PKD1L3: variants seen among roughly 807,000 people sequenced by gnomAD.
The protein encoded by PKD1L3 is polycystin 1 like 3, transient receptor potential channel interacting.
Under a neutral mutation model 184.1 loss-of-function variants are expected in PKD1L3, and 239 were observed. The ratio of observed to expected loss-of-function variants is 1.30; its 90% CI spans 1.17 to 1.45. The LOEUF is 1.45. Among genes scored for constraint, PKD1L3 ranks in the 40% most tolerant of loss-of-function variants. The probability of loss-of-function intolerance (pLI) is 0.00; values close to 1 mark genes in which losing one functional copy is unlikely to be tolerated. For missense variants in PKD1L3, 2,660 were observed against 2,067.2 expected (o/e 1.29, Z -5.56); for synonymous variants, 996 against 778.8 (o/e 1.28, Z -4.64).
In PKD1L3 at chr16:71,990,293, A is replaced by C; in HGVS notation, c.572T>G (p.Leu191Arg). 1 of 1,548,442 alleles carries C rather than the reference A, an allele frequency of 6.5e-7. No homozygotes were observed. Among genetic ancestry groups the C allele is most frequent in the South Asian group, 1.2e-5 (1 of 83,994 alleles). ...GHLPTTCHYP[L>R]PAHLSKTLCH... is the part of the protein sequence containing the mutation. ...GGAAGCACTTACAAGATGAGCAGGAAGAGGATAGTGACATGTGGTTGGAAG... is the reference window on the plus strand; with the variant it reads ...GGAAGCACTTACAAGATGAGCAGGACGAGGATAGTGACATGTGGTTGGAAG... The change falls in exon 4 of 30, where the codon CTT becomes CGT. Residue 191 changes from leucine (L) to arginine (R), a missense_variant. Transcript: ENST00000620267.
chr16:71,987,249 G>C (rs1406423463), intron 4 of PKD1L3, among the ~76,000 whole-genome samples: 2 of 144,414 alleles, frequency 1.4e-5, no homozygotes, highest in Non-Finnish European at 1.5e-5. Context: ...GAGACTGGTT[G>C]TCACTCTGTC....
chr16:71,929,965 TTA>T lies in PKD1L3; in HGVS notation c.5058+85_5058+86del, dbSNP rs1416074973. 37 of 1,388,474 alleles carry T rather than the reference TTA, an allele frequency of 2.7e-5. No individual in the cohort carries two copies. In the African/African-American group the frequency reaches 4.8e-4, roughly 18 times the overall value. 86.0% of individuals were successfully genotyped at this position (1,388,474 alleles called of 1,614,324 possible). A position where few individuals can be genotyped will look rare whatever the true frequency, so the allele number is the denominator to read the frequency against. The stretch of plus-strand genomic sequence containing the variant: ...GGAATATGATACTGTGCATTATAAA[TTA>T]TGTCAGCCCGTCATCTTAGGGGCAG... On this transcript the variant is annotated intron_variant, in intron 29 of 29. Coordinates refer to ENST00000620267, the MANE Select transcript of PKD1L3 (RefSeq NM_181536.2).
At chr16:71,948,803 T>TACAA (rs2038718020) in intron 21 of PKD1L3, among the ~76,000 whole-genome samples, 5 of 81,210 alleles carry the variant, frequency 6.2e-5, no homozygotes, top group African/African-American at 1.9e-4. Context: ...TTACATATAG[T>TACAA]AAAAAAAAAA....
chr16:71,993,234 T>A lies in PKD1L3; in HGVS notation c.517A>T (p.Arg173Ter). Residue 173 changes from arginine (R) to a stop codon, truncating the protein, a stop_gained, in exon 3 of 30, where the codon AGA becomes TGA. Coordinates refer to ENST00000620267, the MANE Select transcript of PKD1L3 (RefSeq NM_181536.2). LOFTEE classifies it high-confidence loss of function. ...KKTKRGVAIA[R>*]DKMPPGPGHL... Reference sequence around the variant, plus strand: ...GCATTACCTGGGGGCATTTTGTCTCTTGCTATTGCAACTCCTCTTTTTGTC... The same window carrying A: ...GCATTACCTGGGGGCATTTTGTCTCATGCTATTGCAACTCCTCTTTTTGTC... 6.5e-7 allele frequency: 1 copy of A among 1,548,760 alleles called. No homozygotes were observed. The highest frequency in any genetic ancestry group is 8.7e-7 in the Non-Finnish European group (1 of 1,145,492).
chr16:71,977,550 C>T (rs1444816029), intron 10 of PKD1L3, 83 bp from the exon 11 acceptor site: 5 of 595,878 alleles, frequency 8.4e-6, no homozygotes, highest in Admixed American at 4.2e-5. Flanking sequence ...GGTAAGGAAA[C>T]GTCCTAGCTC....
chr16:71,954,212 G>A lies in PKD1L3; in HGVS notation c.2702C>T (p.Thr901Ile). The change falls in exon 17 of 30, where the codon ACA (threonine) becomes ATA (isoleucine). Residue 901 changes from threonine (T) to isoleucine (I), a missense_variant. Coordinates refer to ENST00000620267, the MANE Select transcript of PKD1L3 (RefSeq NM_181536.2). The stretch of plus-strand genomic sequence containing the variant: ...GCAGCAAGACAGCCGTTGGACCCTT[G>A]TAAACTGGTTCCAGGGATGCCGAGT... ...IATRHPWNQF[T>I]RVQRLSCCMT... 3 of 1,551,514 alleles carry A rather than the reference G, an allele frequency of 1.9e-6. No homozygotes were observed. Among genetic ancestry groups the A allele is most frequent in the Non-Finnish European group, 2.6e-6 (3 of 1,146,772 alleles).
rs1332816238 is a variant in PKD1L3, at chr16:71,951,729, C to G, written c.3025G>C (p.Val1009Leu). 6.5e-7 allele frequency: 1 copy of G among 1,549,710 alleles called. No individual in the cohort carries two copies. Among genetic ancestry groups the G allele is most frequent in the Non-Finnish European group, 8.7e-7 (1 of 1,146,362 alleles). The change falls in exon 19 of 30, where the codon GTG (valine) becomes CTG (leucine). Residue 1009 changes from valine to leucine, a missense_variant. Val to Leu is a conservative substitution (Grantham distance 32, BLOSUM62 1). Coordinates refer to ENST00000620267, the MANE Select transcript of PKD1L3 (RefSeq NM_181536.2). ...TMVVEELKET[V>L]RFLLRRNTYL... ...GTATTTCTCCTGAGCAGGAATCTCA[C>G]AGTTTCCTTTAATTCCTGAATGTAG...
intron 24 of PKD1L3, among the ~76,000 whole-genome samples, chr16:71,940,325 G>C (rs534212949): frequency 8.2e-4 from 125 of 152,024 alleles, no homozygotes; most frequent in Admixed American, 1.4e-3. Flanking sequence ...AAGTTTACGT[G>C]CTGCATGGTG....
At chr16:71,996,028 T>A (rs971250763) in intron 2 of PKD1L3, among the ~76,000 whole-genome samples, 4 of 152,164 alleles carry the variant, frequency 2.6e-5, no homozygotes, top group Non-Finnish European at 5.9e-5. Flanking sequence ...ATGTGTATAC[T>A]TACATCAGTG....
chr16:71,977,384 G>T lies in PKD1L3; in HGVS notation c.1611C>A (p.Asn537Lys), dbSNP rs202221918. The change falls in exon 11 of 30, where the codon AAC becomes AAA. Residue 537 changes from asparagine to lysine, a missense_variant. Physicochemically the swap from Asn to Lys is moderately conservative, Grantham distance 94 (BLOSUM62 0). Transcript: ENST00000620267. ...TCAAGGATTTCTCCAAGGAAGTGAC[G>T]TTCACTGTGATTGTAAGCTGATGTG... is the stretch of plus-strand genomic sequence containing the variant. ...MSTHQLTITV[N>K]VTSLEKSLIV... 10 of 1,551,316 alleles carry T rather than the reference G, an allele frequency of 6.4e-6. No individual in the cohort carries two copies. The highest frequency in any genetic ancestry group is 8.7e-6 in the Non-Finnish European group (10 of 1,146,680).
At chr16:71,978,162 C>G in intron 10 of PKD1L3, 93 bp downstream of exon 10, 1 of 1,372,306 alleles carries the variant, frequency 7.3e-7, no homozygotes, top group Non-Finnish European at 9.9e-7. Flanking sequence ...TGCCATCAAT[C>G]TAACATAATT....
Position 71,947,502 on chromosome 16 carries a change from C to A in PKD1L3, c.3708G>T (p.Leu1236Phe), listed in dbSNP as rs1390615355. ...KENEQQTKRI[L>F]ALLAKCSSSV... ...AACTACTTGAGTTACCCAAGAGTGC[C>A]AAGATCCTCTTTGTTTGTTGTTCAT... The change falls in exon 22 of 30, where the codon TTG becomes TTT. Residue 1236 changes from leucine to phenylalanine, a missense_variant. Transcript: ENST00000620267. 6.6e-7 allele frequency: 1 copy of A among 1,526,134 alleles called. No individual in the cohort carries two copies. The highest frequency in any genetic ancestry group is 1.2e-5 in the South Asian group (1 of 83,556). 94.5% of individuals were successfully genotyped at this position (1,526,134 alleles called of 1,614,324 possible). A position where few individuals can be genotyped will look rare whatever the true frequency, so the allele number is the denominator to read the frequency against.
intron 15 of PKD1L3, 56 bp downstream of exon 15, chr16:71,967,081 C>A: frequency 6.8e-7 from 1 of 1,476,498 alleles, no homozygotes; most frequent in Non-Finnish European, 9.1e-7. Flanking sequence ...GATCTTCTTT[C>A]TTCTCTCTTG....
chr16:71,969,561 C>T (rs1337135091), intron 13 of PKD1L3, among the ~76,000 whole-genome samples: 2 of 150,852 alleles, frequency 1.3e-5, no homozygotes, highest in African/African-American at 4.9e-5. Context: ...ATCCTCCTGC[C>T]CTGGCCTCCC....
chr16:71,986,161 T>A (rs1424844919), intron 5 of PKD1L3, 60 bp downstream of exon 5: 1 of 1,530,558 alleles, frequency 6.5e-7, no homozygotes. Context: ...GGCAAATGGG[T>A]GAACCAAGTA....
intron 28 of PKD1L3, among the ~76,000 whole-genome samples, chr16:71,932,867 A>G (rs2038034595): frequency 7.2e-6 from 1 of 138,422 alleles, no homozygotes; most frequent in South Asian, 2.2e-4. Context: ...GCAGCTTCCA[A>G]CTCCTGGGCT....
At chr16:71,983,809 G>T (rs1431606371) in intron 6 of PKD1L3, among the ~76,000 whole-genome samples, 2 of 151,026 alleles carry the variant, frequency 1.3e-5, no homozygotes, top group African/African-American at 2.4e-5. Context: ...GATTACAGGT[G>T]CCCGCCACCG....
rs1356583936 is a variant in PKD1L3 at position 71,965,040 on chromosome 16, A to G, written c.2466-1689T>C. Among the ~76,000 whole-genome samples, 5 of 151,392 alleles carry G rather than the reference A, an allele frequency of 3.3e-5. No homozygotes were observed. In the South Asian group the frequency reaches 1.0e-3, roughly 32 times the overall value. ...TTTTGTATTTTTTTGTAGAGACAGA[A>G]TTTCACCATGTTGCCCAGGCTGGTC... is the stretch of plus-strand genomic sequence containing the variant. On this transcript the variant is annotated intron_variant, in intron 15 of 29. Coordinates refer to ENST00000620267, the MANE Select transcript of PKD1L3 (RefSeq NM_181536.2).
chr16:71,969,183 G>A (rs1298221050), intron 13 of PKD1L3, among the ~76,000 whole-genome samples: 5 of 151,838 alleles, frequency 3.3e-5, no homozygotes, highest in East Asian at 1.9e-4. Context: ...CACCTGCCTC[G>A]GCCTCCCAAA....
Sources: allele counts gnomAD v4.1 joint callset (sites outside exome capture counted in the v4.1 genomes callset), GRCh38; gene constraint gnomAD v4.1.1; transcripts MANE v1.5; gene names NCBI Gene and HGNC (gene_info 2026-07-23, HGNC 2026-07-21).